The following EEFSEC variants were observed in gnomAD, a reference collection of about 807,000 sequenced individuals.
The protein encoded by EEFSEC is eukaryotic elongation factor, selenocysteine-tRNA specific.
Under a neutral mutation model 42.1 loss-of-function variants are expected in EEFSEC, and 43 were observed. The ratio of observed to expected loss-of-function variants is 1.02; its 90% CI spans 0.80 to 1.32. The LOEUF (loss-of-function observed/expected upper bound fraction) is 1.32, where lower values mean the gene tolerates loss of function less well. EEFSEC is among the 40% of genes most tolerant of loss of function. The pLI is 0.00. For synonymous variants in EEFSEC, 354 were observed against 339.1 expected, an observed-to-expected ratio of 1.04 and a Z score of -0.48; for missense variants, 745 against 803.6, an observed-to-expected ratio of 0.93 and a Z score of 0.88.
At chr3:128,192,678 A>T (rs2107805546) in intron 1 of EEFSEC, among the ~76,000 whole-genome samples, 1 of 152,258 alleles carries the variant, frequency 6.6e-6, no homozygotes, top group Non-Finnish European at 1.5e-5. Context: ...TTGATTGATT[A>T]ACTCTTTCCA....
At chr3:128,276,659 T>G (rs1212029129) in intron 4 of EEFSEC, among the ~76,000 whole-genome samples, 1 of 151,826 alleles carries the variant, frequency 6.6e-6, no homozygotes, top group African/African-American at 2.4e-5. Flanking sequence ...GTCATAGGAG[T>G]AGAGGGTGAG....
intron 4 of EEFSEC, among the ~76,000 whole-genome samples, chr3:128,336,643 G>A (rs781045566): frequency 3.3e-5 from 5 of 152,178 alleles, no homozygotes; most frequent in Non-Finnish European, 5.9e-5. Context: ...CCCTGTGGGT[G>A]GTTTGTTACC....
the EEFSEC span, among the ~76,000 whole-genome samples, chr3:128,424,373 T>TTTTTG: frequency 6.6e-6 from 1 of 152,180 alleles, no homozygotes; most frequent in East Asian, 1.9e-4. Flanking sequence ...GTGTTTTGGG[T>TTTTTG]TTTTGTTTTG....
chr3:128,246,410 C>G (rs977755243), intron 1 of EEFSEC, among the ~76,000 whole-genome samples: 2 of 152,224 alleles, frequency 1.3e-5, no homozygotes, highest in Non-Finnish European at 2.9e-5. Context: ...AGTCTTCTCT[C>G]ATTTCTTAGC....
intron 1 of EEFSEC, among the ~76,000 whole-genome samples, chr3:128,154,303 A>C (rs1473248371): frequency 1.3e-5 from 2 of 152,078 alleles, no homozygotes; most frequent in African/African-American, 4.8e-5. Flanking sequence ...TGTATGTATA[A>C]ATCCCTCTTT....
At chr3:128,220,426 G>T (rs2065850511) in intron 1 of EEFSEC, among the ~76,000 whole-genome samples, 1 of 152,200 alleles carries the variant, frequency 6.6e-6, no homozygotes, top group Non-Finnish European at 1.5e-5. Flanking sequence ...ACCATAAGGT[G>T]TCTTTACTGT....
At chr3:128,236,745 G>A (rs1358991991) in intron 1 of EEFSEC, among the ~76,000 whole-genome samples, 1 of 152,080 alleles carries the variant, frequency 6.6e-6, no homozygotes, top group Non-Finnish European at 1.5e-5. Flanking sequence ...CTCCTTCTCC[G>A]CTGAGTCTGT....
chr3:128,283,718 C>A (rs2066553715), intron 4 of EEFSEC, among the ~76,000 whole-genome samples: 1 of 152,178 alleles, frequency 6.6e-6, no homozygotes, highest in Admixed American at 6.5e-5. Context: ...GAGCAGTCCA[C>A]ACCTTGGCAG....
At chr3:128,391,074 C>T (rs1466993119) in intron 6 of EEFSEC, among the ~76,000 whole-genome samples, 1 of 152,238 alleles carries the variant, frequency 6.6e-6, no homozygotes, top group East Asian at 1.9e-4. Flanking sequence ...TGTCTCCCAC[C>T]AGAACGCCCA....
intron 4 of EEFSEC, among the ~76,000 whole-genome samples, chr3:128,292,120 A>C (rs535547587): frequency 1.3e-5 from 2 of 152,254 alleles, no homozygotes; most frequent in East Asian, 3.9e-4. Flanking sequence ...AGTAAGTTAC[A>C]TATATTGATT....
At chr3:128,204,702 G>T (rs1171207800) in intron 1 of EEFSEC, among the ~76,000 whole-genome samples, 1 of 152,154 alleles carries the variant, frequency 6.6e-6, no homozygotes, top group Admixed American at 6.5e-5. Flanking sequence ...CAGGATGTGT[G>T]TTGGTTCCCT....
At chr3:128,227,113 C>T (rs546778593) in intron 1 of EEFSEC, among the ~76,000 whole-genome samples, 17 of 152,316 alleles carry the variant, frequency 1.1e-4, no homozygotes, top group Admixed American at 3.9e-4. Context: ...TCCTGCTGCT[C>T]CTTCTGAAAT....
At chr3:128,214,863 C>T (rs890422746) in intron 1 of EEFSEC, among the ~76,000 whole-genome samples, 7 of 152,162 alleles carry the variant, frequency 4.6e-5, no homozygotes, top group Admixed American at 6.5e-5. Flanking sequence ...CTTACAGCTG[C>T]GATCTGGTGT....
At chr3:128,169,397 TC>T (rs1485744348) in intron 1 of EEFSEC, among the ~76,000 whole-genome samples, 25 of 152,304 alleles carry the variant, frequency 1.6e-4, no homozygotes, top group African/African-American at 5.1e-4. Context: ...GATGCATATA[TC>T]TGGACTCTCT....
chr3:128,182,566 T>G (rs1378003750), intron 1 of EEFSEC, among the ~76,000 whole-genome samples: 1 of 152,186 alleles, frequency 6.6e-6, no homozygotes, highest in African/African-American at 2.4e-5. Context: ...TATAATAGTT[T>G]CCCCTCATTC....
chr3:128,270,726 C>T (rs910255790), intron 4 of EEFSEC, among the ~76,000 whole-genome samples: 7 of 152,236 alleles, frequency 4.6e-5, no homozygotes, highest in Non-Finnish European at 8.8e-5. Flanking sequence ...CCTCCAGCAA[C>T]GCTGTGCACT....
intron 1 of EEFSEC, among the ~76,000 whole-genome samples, chr3:128,156,600 T>C (rs1944385618): frequency 6.6e-6 from 1 of 152,244 alleles, no homozygotes; most frequent in Admixed American, 6.5e-5. Flanking sequence ...TTTCAAACTT[T>C]TCATCAAATA....
intron 4 of EEFSEC, among the ~76,000 whole-genome samples, chr3:128,313,332 ATCC>A (rs1206992486): frequency 6.6e-6 from 1 of 152,220 alleles, no homozygotes; most frequent in East Asian, 1.9e-4. Flanking sequence ...GGAAGGGTTT[ATCC>A]TCCTGGCAAC....
intron 1 of EEFSEC, among the ~76,000 whole-genome samples, chr3:128,201,111 TAATATTAGCCTTGA>T (rs2065638941): frequency 6.6e-6 from 1 of 152,236 alleles, no homozygotes; most frequent in Non-Finnish European, 1.5e-5. Context: ...TTCTCCTAAG[TAATATTAGCCTTGA>T]AATAATGAGT....
Sources: gnomAD v4.1 joint callset for allele counts (sites outside exome capture counted in the v4.1 genomes callset) on GRCh38, gnomAD v4.1.1 for gene constraint, MANE v1.5 for transcripts, NCBI Gene and HGNC (gene_info 2026-07-23, HGNC 2026-07-21) for gene names.